RAF1: variants seen among roughly 807,000 people sequenced by gnomAD.
RAF1 encodes the protein Raf-1 proto-oncogene, serine/threonine kinase.
RAF1 carries 27 observed loss-of-function variants against 81.1 expected under a neutral mutation model. That is an observed-to-expected ratio of 0.33 (90% CI 0.25 to 0.46). RAF1 has a LOEUF of 0.46. Ranked by LOEUF, RAF1 falls within the 20% of genes least tolerant of loss-of-function variation. RAF1 has a pLI of 1.00. For missense variants in RAF1, 598 were observed against 826.0 expected, an observed-to-expected ratio of 0.72 and a Z score of 3.38; for synonymous variants, 298 against 294.0, an observed-to-expected ratio of 1.01 and a Z score of -0.14.
intron 2 of RAF1, among the ~76,000 whole-genome samples, chr3:12,616,218 G>A (rs890294330): frequency 6.6e-6 from 1 of 152,100 alleles, no homozygotes; most frequent in African/African-American, 2.4e-5. Flanking sequence ...TTTAAATTGG[G>A]ATTTTCTTGT....
intron 8 of RAF1, 119 bp from the exon 8 acceptor site, chr3:12,600,534 A>G (rs1333437199): frequency 1.8e-6 from 2 of 1,134,876 alleles, no homozygotes; most frequent in Admixed American, 2.0e-5. Context: ...TCTAAAAACC[A>G]TAGAAATCCT....
chr3:12,606,127 T>C (rs2059020867), intron 6 of RAF1, 74 bp downstream of exon 6: 1 of 1,134,578 alleles, frequency 8.8e-7, no homozygotes, highest in Non-Finnish European at 1.3e-6. Flanking sequence ...GAAACTCTTA[T>C]TTTTTGTCTT....
rs551212271 is a variant in RAF1 at position 12,653,298 on chromosome 3, G to T, written c.-27+10515C>A. On this transcript the variant is annotated intron_variant, in intron 1 of 17. Transcript: ENST00000442415. ...CTTTGCCTCAAAAGAAAACAAACCT[G>T]TTGTACAAACTATATTACTACAGTA... 5.9e-5 allele frequency among the ~76,000 whole-genome samples: 9 copies of T among 152,082 alleles called. No homozygotes were observed. The South Asian group carries it at 1.9e-3, about 32-fold the overall frequency.
At chr3:12,607,534 G>C (rs2059072357) in intron 5 of RAF1, among the ~76,000 whole-genome samples, 1 of 152,148 alleles carries the variant, frequency 6.6e-6, no homozygotes, top group African/African-American at 2.4e-5. Context: ...TGTAGTCCCA[G>C]CTACTCAGGA....
chr3:12,652,250 T>C (rs549122585), intron 1 of RAF1, among the ~76,000 whole-genome samples: 1 of 151,732 alleles, frequency 6.6e-6, no homozygotes, highest in East Asian at 2.0e-4. Context: ...AGGCCAGGCG[T>C]AGTGACTCAC....
In RAF1 at chr3:12,604,160, C is replaced by T. The variant is rs1447708158; in HGVS notation, c.810G>A (p.Leu270=). 1 of 1,614,068 alleles carries T rather than the reference C, an allele frequency of 6.2e-7. No individual in the cohort carries two copies. The highest frequency in any genetic ancestry group is 8.5e-7 in the Non-Finnish European group (1 of 1,180,030). ...CCTCAATCATCCTGCTGTCCACAGG[C>T]AGGGTGGTGCTGACCATGTGGACAT... Residue 270 remains leucine (L), a synonymous_variant, in exon 7 of 18, where the codon CTG becomes CTA. Transcript: ENST00000442415.
intron 1 of RAF1, among the ~76,000 whole-genome samples, chr3:12,628,822 G>A (rs1044930170): frequency 4.0e-5 from 6 of 151,516 alleles, no homozygotes; most frequent in Non-Finnish European, 8.8e-5. Context: ...TGCAATCTTG[G>A]CTGACTGCAA....
chr3:12,659,453 CAAGAT>C (rs2060808484), intron 1 of RAF1, among the ~76,000 whole-genome samples: 1 of 44,432 alleles, frequency 2.3e-5, no homozygotes, highest in African/African-American at 8.2e-5. Flanking sequence ...AAATTACACG[CAAGAT>C]AAGTTAGCCC....
rs1164317182 is a variant in RAF1, at chr3:12,657,768, CA to C, written c.-27+6044del. ...CCTGGGCAACAAGAGCAAAACATCT[CA>C]AAAAAAAAAAAGTACACAATAAAAT... On this transcript the variant is annotated intron_variant, in intron 1 of 17. Coordinates refer to ENST00000442415, the MANE Select transcript of RAF1 (RefSeq NM_001354689.3). Among the ~76,000 whole-genome samples, 759 of 126,742 alleles carry C rather than the reference CA, an allele frequency of 6.0e-3. 6 individuals are homozygous for C. The highest frequency in any genetic ancestry group is 0.018 in the African/African-American group (636 of 34,680). The allele number at this position is 126,742 out of a possible 152,430, so 83.1% of individuals were successfully genotyped here. A position where few individuals can be genotyped will look rare whatever the true frequency, so the allele number is the denominator to read the frequency against.
intron 1 of RAF1, among the ~76,000 whole-genome samples, chr3:12,657,205 G>T (rs1219619817): frequency 6.6e-6 from 1 of 152,110 alleles, no homozygotes; most frequent in Non-Finnish European, 1.5e-5. Flanking sequence ...ACAGAAGCAA[G>T]AATTGTATAT....
chr3:12,584,745 G>T, intron 17 of RAF1, 88 bp from the exon 17 acceptor site: 2 of 1,612,800 alleles, frequency 1.2e-6, no homozygotes, highest in African/African-American at 1.3e-5. Context: ...AGAGGACCTG[G>T]GTCCCCTCCC....
chr3:12,599,569 T>G (rs1221337916), intron 11 of RAF1, 122 bp downstream of exon 10: 5 of 749,966 alleles, frequency 6.7e-6, no homozygotes, highest in Admixed American at 2.0e-5. Flanking sequence ...ATCAAGTATG[T>G]AAGGGAGAGT....
chr3:12,591,223 T>C (rs2058505782), intron 12 of RAF1, among the ~76,000 whole-genome samples: 1 of 152,132 alleles, frequency 6.6e-6, no homozygotes, highest in South Asian at 2.1e-4. Context: ...GACATTCTCT[T>C]TCATCAATGT....
At chr3:12,647,982 T>C (rs1430883090) in intron 1 of RAF1, among the ~76,000 whole-genome samples, 2 of 152,112 alleles carry the variant, frequency 1.3e-5, no homozygotes, top group East Asian at 1.9e-4. Flanking sequence ...TCAAAAACAA[T>C]TATGCTAAAA....
chr3:12,650,063 A>G (rs2348198), intron 1 of RAF1, among the ~76,000 whole-genome samples: 127,046 of 150,316 alleles, frequency 0.85, 54,125 homozygotes, highest in African/African-American at 0.95. Context: ...GGAGAACTGC[A>G]TGAACCCAGG....
intron 11 of RAF1, among the ~76,000 whole-genome samples, chr3:12,597,287 G>C (rs2058715750): frequency 6.6e-6 from 1 of 152,154 alleles, no homozygotes; most frequent in Non-Finnish European, 1.5e-5. Context: ...CTTTATCACA[G>C]TTTGAAAGCT....
At chr3:12,663,482 A>T (rs2125600522) in intron 1 of RAF1, among the ~76,000 whole-genome samples, 1 of 152,306 alleles carries the variant, frequency 6.6e-6, no homozygotes, top group South Asian at 2.1e-4. Context: ...TGGCCCATCC[A>T]AGTGACAACA....
chr3:12,603,878 A>G (rs920837364), intron 7 of RAF1, among the ~76,000 whole-genome samples: 1 of 152,234 alleles, frequency 6.6e-6, no homozygotes, highest in Non-Finnish European at 1.5e-5. Context: ...TTAATAGCCT[A>G]TTCAAATCTG....
chr3:12,626,589 TAA>T (rs35131384), intron 1 of RAF1, among the ~76,000 whole-genome samples: 65 of 146,130 alleles, frequency 4.4e-4, no homozygotes, highest in Admixed American at 7.5e-4. Flanking sequence ...AGACCTTGTC[TAA>T]AAAAAAAAAA....
Sources: gnomAD v4.1 joint callset for allele counts (sites outside exome capture counted in the v4.1 genomes callset) on GRCh38, gnomAD v4.1.1 for gene constraint, MANE v1.5 for transcripts, NCBI Gene and HGNC (gene_info 2026-07-23, HGNC 2026-07-21) for gene names.